Variants in HECW2 observed in about 807,000 individuals in gnomAD.
HECW2 encodes HECT, C2 and WW domain containing E3 ubiquitin protein ligase 2.
In HECW2, 61 loss-of-function variants were observed where a neutral mutation model predicts 175.2. That is an observed-to-expected ratio of 0.35 (90% confidence interval 0.28 to 0.43). The LOEUF (loss-of-function observed/expected upper bound fraction) is 0.43. Among genes scored for constraint, HECW2 ranks in the 20% least tolerant of loss-of-function variants. The pLI, the probability that HECW2 is intolerant of heterozygous loss-of-function variation, is 1.00. For synonymous variants in HECW2, 671 were observed against 731.0 expected, an observed-to-expected ratio of 0.92 and a Z score of 1.32; for missense variants, 1,524 against 2,000.5, an observed-to-expected ratio of 0.76 and a Z score of 4.54.
chr2:196,203,433 C>G (rs1403691486), intron 28 of HECW2, among the ~76,000 whole-genome samples: 1 of 152,128 alleles, frequency 6.6e-6, no homozygotes, highest in Non-Finnish European at 1.5e-5. Flanking sequence ...AAAGATTTAT[C>G]TCTGTTCCAG....
chr2:196,546,142 T>C (rs909794640), intron 1 of HECW2, among the ~76,000 whole-genome samples: 15 of 152,238 alleles, frequency 9.9e-5, no homozygotes, highest in African/African-American at 3.1e-4. Flanking sequence ...TTATCTCCTA[T>C]TACAGCTACC....
At chr2:196,461,578 T>A (rs1227058503) in intron 1 of HECW2, among the ~76,000 whole-genome samples, 1 of 152,170 alleles carries the variant, frequency 6.6e-6, no homozygotes, top group Non-Finnish European at 1.5e-5. Context: ...TGCCCAAGAC[T>A]GGGTAATTTA....
At chr2:196,428,380 G>C (rs1038659225) in intron 2 of HECW2, among the ~76,000 whole-genome samples, 8 of 152,144 alleles carry the variant, frequency 5.3e-5, no homozygotes, top group Non-Finnish European at 8.8e-5. Context: ...CAGAGCCCAA[G>C]AGAGAATTTA....
intron 1 of HECW2, among the ~76,000 whole-genome samples, chr2:196,534,158 G>T (rs1293944868): frequency 6.6e-6 from 1 of 152,062 alleles, no homozygotes; most frequent in Admixed American, 6.6e-5. Flanking sequence ...TATAATTTTA[G>T]CATCCTTTAC....
At chr2:196,328,548 T>A (rs4850699) in intron 5 of HECW2, among the ~76,000 whole-genome samples, 17 of 152,194 alleles carry the variant, frequency 1.1e-4, no homozygotes, top group Admixed American at 6.5e-4. Context: ...GTAATTATGC[T>A]TTGTGGAATA....
At chr2:196,340,781 C>T (rs73988179) in intron 3 of HECW2, among the ~76,000 whole-genome samples, 1 of 151,974 alleles carries the variant, frequency 6.6e-6, no homozygotes, top group African/African-American at 2.4e-5. Flanking sequence ...TCTGAAATTC[C>T]TATTCACTGT....
At chr2:196,232,096 T>C (rs1458811557) in intron 21 of HECW2, among the ~76,000 whole-genome samples, 1 of 152,120 alleles carries the variant, frequency 6.6e-6, no homozygotes, top group East Asian at 1.9e-4. Flanking sequence ...TCAGCCATGG[T>C]CATTCTCTGT....
rs189174746 is a variant in HECW2, at chr2:196,196,559, G to A, written c.*4718C>T. ...CGTCTGTAATCCCAGCACTTCGGGA[G>A]GCCAAGGTGGGAGGACTGCTTGAGC... On this transcript the variant is annotated 3_prime_UTR_variant, in exon 29 of 29. Coordinates refer to ENST00000644978, the MANE Select transcript of HECW2 (RefSeq NM_001348768.2). 8.5e-5 allele frequency: 13 copies of A among 152,522 alleles called. No homozygotes were observed. Among genetic ancestry groups the A allele is most frequent in the Admixed American group, 8.5e-4 (13 of 15,290 alleles). 9.4% of individuals were successfully genotyped at this position (152,522 alleles called of 1,614,324 possible). A position where few individuals can be genotyped will look rare whatever the true frequency, so the allele number is the denominator to read the frequency against.
At chr2:196,269,685 A>G (rs989934058) in intron 17 of HECW2, among the ~76,000 whole-genome samples, 2 of 152,144 alleles carry the variant, frequency 1.3e-5, no homozygotes, top group East Asian at 3.9e-4. Flanking sequence ...CCTATTTGCA[A>G]GGCTCTTAAA....
chr2:196,378,636 G>A (rs536270786), intron 2 of HECW2, among the ~76,000 whole-genome samples: 2 of 152,204 alleles, frequency 1.3e-5, no homozygotes, highest in Admixed American at 1.3e-4. Context: ...GAAAATTAAA[G>A]AATTAAGCAT....
intron 2 of HECW2, among the ~76,000 whole-genome samples, chr2:196,393,395 C>A (rs1694569324): frequency 6.6e-6 from 1 of 152,172 alleles, no homozygotes; most frequent in Non-Finnish European, 1.5e-5. Flanking sequence ...TTTTTACAAT[C>A]CACCCATATG....
At chr2:196,518,641 C>A (rs564676095) in intron 1 of HECW2, among the ~76,000 whole-genome samples, 2 of 121,684 alleles carry the variant, frequency 1.6e-5, no homozygotes, top group African/African-American at 6.9e-5. Flanking sequence ...GGCAACAGAG[C>A]GAGATTCTGT....
In HECW2 at chr2:196,217,017, C is replaced by T. The variant is rs774316240; in HGVS notation, c.4485G>A (p.Arg1495=). The change falls in exon 27 of 29, where the codon AGG becomes AGA. Residue 1495 remains arginine (R), a synonymous_variant. Coordinates refer to ENST00000644978, the MANE Select transcript of HECW2 (RefSeq NM_001348768.2). ...AATAATGGCATCTCACCTGTAACAA[C>T]CTTAGTCGTTGTTCATTGTTGAATC... ...VERFNNEQRL[R]LLQFVTGTSS... is the part of the protein sequence containing the mutation. 1.3e-6 allele frequency: 2 copies of T among 1,523,692 alleles called. No individual in the cohort carries two copies. The highest frequency in any genetic ancestry group is 1.3e-5 in the South Asian group (1 of 79,118). 94.4% of individuals were successfully genotyped at this position (1,523,692 alleles called of 1,614,324 possible). A position where few individuals can be genotyped will look rare whatever the true frequency, so the allele number is the denominator to read the frequency against.
At chr2:196,471,130 T>C (rs1281871402) in intron 1 of HECW2, among the ~76,000 whole-genome samples, 1 of 152,118 alleles carries the variant, frequency 6.6e-6, no homozygotes, top group Admixed American at 6.6e-5. Flanking sequence ...TCTTACAATT[T>C]AGCAATTCTA....
chr2:196,317,524 T>C (rs1482373016), intron 9 of HECW2, among the ~76,000 whole-genome samples, 155 bp from the exon 10 acceptor site: 1 of 152,064 alleles, frequency 6.6e-6, no homozygotes, highest in Non-Finnish European at 1.5e-5. Flanking sequence ...AAGAAGAGAA[T>C]AGGAGGTGAA....
intron 1 of HECW2, among the ~76,000 whole-genome samples, chr2:196,574,748 A>G (rs975392383): frequency 6.6e-6 from 1 of 152,212 alleles, no homozygotes; most frequent in Non-Finnish European, 1.5e-5. Flanking sequence ...GCAACACTAA[A>G]GGCACCACAT....
chr2:196,532,238 T>C (rs144398135), intron 1 of HECW2, among the ~76,000 whole-genome samples: 5,379 of 152,238 alleles, frequency 0.035, 312 homozygotes, highest in African/African-American at 0.12. Context: ...CAAATGTCCA[T>C]CAATGATAGA....
chr2:196,216,046 A>C (rs879158235), intron 27 of HECW2, 69 bp from the exon 28 acceptor site: 2 of 1,050,596 alleles, frequency 1.9e-6, no homozygotes, highest in South Asian at 2.6e-5. Context: ...GCATCACGTC[A>C]TTCACGGGCA....
intron 1 of HECW2, among the ~76,000 whole-genome samples, chr2:196,553,363 C>A (rs1689668027): frequency 6.6e-6 from 1 of 152,200 alleles, no homozygotes; most frequent in African/African-American, 2.4e-5. Flanking sequence ...GGCACTGAGA[C>A]TCTTTCAAGT....
Sources: gnomAD v4.1 joint callset for allele counts (sites outside exome capture counted in the v4.1 genomes callset) on GRCh38, gnomAD v4.1.1 for gene constraint, MANE v1.5 for transcripts, NCBI Gene and HGNC (gene_info 2026-07-23, HGNC 2026-07-21) for gene names.